UBE2K: variants seen among roughly 807,000 people sequenced by gnomAD.
The protein encoded by UBE2K is ubiquitin conjugating enzyme E2 K, also known as ubiquitin-conjugating enzyme E2 K.
In UBE2K, 6 loss-of-function variants were observed where a neutral mutation model predicts 30.0. The ratio of observed to expected loss-of-function variants is 0.20; its 90% CI spans 0.11 to 0.39. The LOEUF (loss-of-function observed/expected upper bound fraction) is 0.39. Among genes scored for constraint, UBE2K ranks in the 10% least tolerant of loss-of-function variants. The pLI, the probability that UBE2K is intolerant of heterozygous loss-of-function variation, is 1.00. For missense variants in UBE2K, 61 were observed against 241.6 expected (o/e 0.25, Z 4.96); for synonymous variants, 86 against 83.7 (o/e 1.03, Z -0.15).
In UBE2K at chr4:39,722,940, C is replaced by T. The variant is rs1035177896; in HGVS notation, c.64-14480C>T. Among the ~76,000 whole-genome samples the T allele has an allele frequency of 3.3e-5, 5 of 151,842 alleles. No homozygotes were observed. In the South Asian group the frequency reaches 6.3e-4, roughly 19 times the overall value. Reference sequence around the variant, plus strand: ...CCCCCCAAGTATCTGGGATTACAGGCGCGCACCACCACACCCGGCTAATTT... The same window carrying T: ...CCCCCCAAGTATCTGGGATTACAGGTGCGCACCACCACACCCGGCTAATTT... On this transcript the variant is annotated intron_variant, in intron 1 of 6. Coordinates refer to ENST00000261427, the MANE Select transcript of UBE2K (RefSeq NM_005339.5).
intron 1 of UBE2K, among the ~76,000 whole-genome samples, chr4:39,731,089 G>A (rs971850631): frequency 6.6e-6 from 1 of 151,942 alleles, no homozygotes; most frequent in Non-Finnish European, 1.5e-5. Flanking sequence ...GGGTTCAAGC[G>A]ATTCTCCTGC....
At position 39,734,661 on chromosome 4, in the gene UBE2K, C is replaced by T. The variant is rs302951; in HGVS notation, c.64-2759C>T. ...CCCCCTCTCTACTAAAAATTTAAAACTTTAGCCAGGCATGGTGGTGCACAC... is the reference window on the plus strand; with the variant it reads ...CCCCCTCTCTACTAAAAATTTAAAATTTTAGCCAGGCATGGTGGTGCACAC... On this transcript the variant is annotated intron_variant, in intron 1 of 6. Coordinates refer to ENST00000261427, the MANE Select transcript of UBE2K (RefSeq NM_005339.5). 5.3e-5 allele frequency among the ~76,000 whole-genome samples: 8 copies of T among 151,960 alleles called. No homozygotes were observed. In the East Asian group the frequency reaches 1.6e-3, roughly 30 times the overall value.
At chr4:39,734,090 T>G (rs1159504049) in intron 1 of UBE2K, among the ~76,000 whole-genome samples, 1 of 148,380 alleles carries the variant, frequency 6.7e-6, no homozygotes, top group Admixed American at 7.2e-5. Context: ...AAGACCCTAT[T>G]CTAAGCCCTC....
intron 4 of UBE2K, among the ~76,000 whole-genome samples, chr4:39,767,297 C>T (rs1454894070): frequency 1.6e-5 from 2 of 124,030 alleles, no homozygotes; most frequent in African/African-American, 7.8e-5. Context: ...TTCTTTTTTT[C>T]TGTTTTTTTT....
At chr4:39,753,504 G>A (rs1721376737) in intron 3 of UBE2K, among the ~76,000 whole-genome samples, 1 of 152,172 alleles carries the variant, frequency 6.6e-6, no homozygotes, top group Non-Finnish European at 1.5e-5. Context: ...ATCTGGAGAT[G>A]CTTTATTAAG....
At chr4:39,773,661 C>T (rs1220148881) in intron 4 of UBE2K, among the ~76,000 whole-genome samples, 1 of 152,048 alleles carries the variant, frequency 6.6e-6, no homozygotes, top group Non-Finnish European at 1.5e-5. Flanking sequence ...GTGGCTCACG[C>T]CTGTAATCCC....
At chr4:39,726,031 A>G (rs1719736309) in intron 1 of UBE2K, among the ~76,000 whole-genome samples, 2 of 152,156 alleles carry the variant, frequency 1.3e-5, no homozygotes, top group African/African-American at 4.8e-5. Context: ...TTGGAAATCA[A>G]GGTGTCAGCA....
intron 4 of UBE2K, among the ~76,000 whole-genome samples, chr4:39,774,520 G>A (rs1713163396): frequency 6.6e-6 from 1 of 151,890 alleles, no homozygotes; most frequent in African/African-American, 2.4e-5. Flanking sequence ...GGCTGAGGCA[G>A]GAGAATGGCG....
At chr4:39,728,690 G>C (rs1481065459) in intron 1 of UBE2K, among the ~76,000 whole-genome samples, 1 of 151,154 alleles carries the variant, frequency 6.6e-6, no homozygotes, top group African/African-American at 2.4e-5. Context: ...CAGGTGGGGA[G>C]TGCAGTTGTG....
At chr4:39,770,328 C>T in intron 4 of UBE2K, 1 of 1,613,510 alleles carries the variant, frequency 6.2e-7, no homozygotes, top group South Asian at 1.1e-5. Context: ...ATGCACGTTC[C>T]TGTGGTGGTT....
chr4:39,779,092 T>C lies in UBE2K; in HGVS notation c.*658T>C, dbSNP rs1713454954. 1 of 113,628 alleles carries C rather than the reference T, an allele frequency of 8.8e-6. No individual in the cohort carries two copies. The highest frequency in any genetic ancestry group is 1.6e-5 in the Non-Finnish European group (1 of 61,350). 7.0% of individuals were successfully genotyped at this position (113,628 alleles called of 1,614,324 possible). On this transcript the variant is annotated 3_prime_UTR_variant, in exon 7 of 7. Coordinates refer to ENST00000261427, the MANE Select transcript of UBE2K (RefSeq NM_005339.5). ...ACACAGCTAATATTCTAATGGTAAA[T>C]TTCTCTGTATCAGGTGGGGAAATGT...
At chr4:39,713,286 A>ATTTTTTTTTTTTTTTTTTTTTTTTTT (rs56104487) in intron 1 of UBE2K, among the ~76,000 whole-genome samples, 4 of 83,582 alleles carry the variant, frequency 4.8e-5, no homozygotes, top group African/African-American at 5.4e-5. Flanking sequence ...TCTGTAGGAA[A>ATTTTTTTTTTTTTTTTTTTTTTTTTT]TTTTTTTTTT....
intron 4 of UBE2K, among the ~76,000 whole-genome samples, chr4:39,769,572 C>T (rs770514293): frequency 9.2e-5 from 14 of 151,896 alleles, no homozygotes; most frequent in Non-Finnish European, 1.8e-4. Context: ...CTGTCTCCCC[C>T]TTCCTTTTCT....
At chr4:39,727,225 G>A (rs538145783) in intron 1 of UBE2K, among the ~76,000 whole-genome samples, 84 of 152,328 alleles carry the variant, frequency 5.5e-4, no homozygotes, top group African/African-American at 1.9e-3. Flanking sequence ...ACATACAGAG[G>A]ATTGTATTGT....
At chr4:39,713,639 C>T (rs1016088079) in intron 1 of UBE2K, among the ~76,000 whole-genome samples, 2 of 151,728 alleles carry the variant, frequency 1.3e-5, no homozygotes, top group Non-Finnish European at 2.9e-5. Context: ...CATTGTGTAG[C>T]TATCACCACC....
chr4:39,765,265 T>C (rs1170979996), intron 4 of UBE2K, among the ~76,000 whole-genome samples: 2 of 152,178 alleles, frequency 1.3e-5, no homozygotes. Flanking sequence ...TCATGCCTGC[T>C]GTAATCCCAG....
intron 1 of UBE2K, chr4:39,713,697 A>G (rs1469042583): frequency 6.6e-6 from 1 of 151,952 alleles, no homozygotes; most frequent in East Asian, 1.9e-4. Flanking sequence ...CTCTGTACCC[A>G]ATATTACTAA....
rs146727109 is a variant in UBE2K at position 39,747,977 on chromosome 4, T to A, written c.216+2167T>A. 5.5e-3 allele frequency among the ~76,000 whole-genome samples: 842 copies of A among 152,178 alleles called. 10 individuals are homozygous for A. The highest frequency in any genetic ancestry group is 0.019 in the African/African-American group (800 of 41,532). On this transcript the variant is annotated intron_variant, in intron 3 of 6. Coordinates refer to ENST00000261427, the MANE Select transcript of UBE2K (RefSeq NM_005339.5). ...CCACCAAGCCCAGCTAATTTTTGTA[T>A]TTTTAGTAGAGATGGCATTTCACCA...
chr4:39,764,301 T>C (rs1051977472), intron 4 of UBE2K, among the ~76,000 whole-genome samples: 4 of 152,250 alleles, frequency 2.6e-5, no homozygotes, highest in Admixed American at 2.6e-4. Context: ...TCACACATTC[T>C]GTGAAAATTC....
Sources: gnomAD v4.1 joint callset for allele counts (sites outside exome capture counted in the v4.1 genomes callset) on GRCh38, gnomAD v4.1.1 for gene constraint, MANE v1.5 for transcripts, NCBI Gene and HGNC (gene_info 2026-07-23, HGNC 2026-07-21) for gene names.